Variants in ZZEF1 observed in about 807,000 individuals in gnomAD.
ZZEF1 encodes zinc finger ZZ-type and EF-hand domain containing 1, also known as zinc finger ZZ-type and EF-hand domain-containing protein 1.
In ZZEF1, 157 loss-of-function variants were observed where a neutral mutation model predicts 342.8. The observed-to-expected ratio is 0.46, with a 90% CI of 0.40 to 0.52. The LOEUF (loss-of-function observed/expected upper bound fraction) is 0.52. ZZEF1 is among the 20% of genes least tolerant of loss of function. The probability of loss-of-function intolerance (pLI) is 0.00; values close to 1 mark genes in which losing one functional copy is unlikely to be tolerated. For missense variants in ZZEF1, 3,480 were observed against 3,725.6 expected (o/e 0.93, Z 1.72); for synonymous variants, 1,505 against 1,429.1 (o/e 1.05, Z -1.20).
At chr17:4,085,402 A>G (rs990071400) in intron 16 of ZZEF1, among the ~76,000 whole-genome samples, 1 of 152,170 alleles carries the variant, frequency 6.6e-6, no homozygotes, top group African/African-American at 2.4e-5. Context: ...AAAAGAAAGG[A>G]TGGTTGTAGG....
chr17:4,032,481 T>C (rs1355079965), intron 41 of ZZEF1, among the ~76,000 whole-genome samples: 1 of 152,238 alleles, frequency 6.6e-6, no homozygotes, highest in Non-Finnish European at 1.5e-5. Flanking sequence ...CCCTTTGTCC[T>C]AATCAGTTGA....
chr17:4,014,114 C>T lies in ZZEF1; in HGVS notation c.8389G>A (p.Gly2797Arg), dbSNP rs1378965963. ...CCTGTCTGGAACCGCCCCAGGTGTC[C>T]GGCCGTCACGGTGAATCTGTAGCCC... Reference protein sequence around the residue: ...EWGYRFTVTAGHLGRFQTGFE... With the variant: ...EWGYRFTVTARHLGRFQTGFE... Residue 2797 changes from glycine to arginine, a missense_variant, in exon 51 of 55, where the codon GGA (glycine) becomes AGA (arginine). Gly to Arg is a moderately radical substitution (Grantham distance 125). This residue lies in a region of ZZEF1 where 1,269 missense variants were observed against 1,342.4 expected (regional missense o/e 0.95). Coordinates refer to ENST00000381638, the MANE Select transcript of ZZEF1 (RefSeq NM_015113.4). This position sits in a 1 kb window ranked among gnomAD's most constrained non-coding sequence, Gnocchi z 4.4. The T allele has an allele frequency of 4.3e-6, 7 of 1,614,128 alleles. No homozygotes were observed. The highest frequency in any genetic ancestry group is 3.3e-5 in the South Asian group (3 of 91,068).
At chr17:4,049,525 G>T (rs2056999344) in intron 37 of ZZEF1, among the ~76,000 whole-genome samples, 183 bp downstream of exon 37, 1 of 152,094 alleles carries the variant, frequency 6.6e-6, no homozygotes, top group Non-Finnish European at 1.5e-5. Context: ...CAAAACAAAA[G>T]AAAATAAAAC....
intron 36 of ZZEF1, 82 bp from the exon 37 acceptor site, chr17:4,049,941 A>G (rs2057009698): frequency 6.0e-6 from 9 of 1,494,644 alleles, no homozygotes; most frequent in African/African-American, 2.8e-5. Context: ...TTACTTTGCC[A>G]TTATATAGAA....
intron 1 of ZZEF1, among the ~76,000 whole-genome samples, chr17:4,142,194 C>T (rs1454123): frequency 0.92 from 139,746 of 152,158 alleles, 65,357 homozygotes; most frequent in East Asian, 1. Context: ...AAAAATGGTT[C>T]TCAGCGCCAC....
intron 7 of ZZEF1, 32 bp downstream of exon 7, chr17:4,105,661 A>T: frequency 1.3e-6 from 2 of 1,498,296 alleles, no homozygotes; most frequent in Non-Finnish European, 1.9e-6. Flanking sequence ...TCCATTCCTC[A>T]CAGAGTTTAC....
intron 39 of ZZEF1, among the ~76,000 whole-genome samples, chr17:4,039,733 T>A (rs1157287873): frequency 7.2e-6 from 1 of 138,142 alleles, no homozygotes; most frequent in Admixed American, 8.0e-5. Context: ...AACCTCCGCC[T>A]CCCGGGTTCA....
chr17:4,142,947 G>T lies in ZZEF1; in HGVS notation c.-52C>A. 7.7e-7 allele frequency: 1 copy of T among 1,301,678 alleles called. No individual in the cohort carries two copies. The allele number at this position is 1,301,678 out of a possible 1,614,324, so 80.6% of individuals were successfully genotyped here. ...CTGCAGCCGCCGCCGCCGCCTCCCC[G>T]CCTCGACCTGTCAACCTCCGACAGC... On this transcript the variant is annotated 5_prime_UTR_variant, in exon 1 of 55. Coordinates refer to ENST00000381638, the MANE Select transcript of ZZEF1 (RefSeq NM_015113.4).
intron 30 of ZZEF1, among the ~76,000 whole-genome samples, chr17:4,059,699 G>T (rs2057244734): frequency 6.6e-6 from 1 of 152,098 alleles, no homozygotes; most frequent in Admixed American, 6.5e-5. Context: ...CCATGATCCT[G>T]GCCATCTTGG....
chr17:4,116,758 C>G (rs148239558), intron 3 of ZZEF1, among the ~76,000 whole-genome samples: 1 of 152,174 alleles, frequency 6.6e-6, no homozygotes, highest in Non-Finnish European at 1.5e-5. Flanking sequence ...AAAGGCATCC[C>G]TCAAAGTCAC....
chr17:4,068,851 G>A (rs2057454779), intron 26 of ZZEF1, among the ~76,000 whole-genome samples: 1 of 152,126 alleles, frequency 6.6e-6, no homozygotes, highest in Non-Finnish European at 1.5e-5. Context: ...CCCAAAGAGT[G>A]ACTAATTTTT....
Position 4,098,331 on chromosome 17 carries a change from G to C in ZZEF1, c.1673-1631C>G, listed in dbSNP as rs539704562. Among the ~76,000 whole-genome samples, 3 of 152,120 alleles carry C rather than the reference G, an allele frequency of 2.0e-5. No homozygotes were observed. In the East Asian group the frequency reaches 5.8e-4, roughly 29 times the overall value. The stretch of plus-strand genomic sequence containing the variant: ...GGAGGCCAGGGTGGGAGGATCGCTT[G>C]AGCCTGGGAGGTGGAGGTTGCAGTG... On this transcript the variant is annotated intron_variant, in intron 9 of 54. Transcript: ENST00000381638.
intron 2 of ZZEF1, among the ~76,000 whole-genome samples, chr17:4,119,873 T>C (rs1005223291): frequency 1.3e-5 from 2 of 152,178 alleles, no homozygotes; most frequent in African/African-American, 4.8e-5. Context: ...ACTCCTTGAT[T>C]CTCAAGAGAG....
chr17:4,118,011 T>C (rs2058426201), intron 2 of ZZEF1, among the ~76,000 whole-genome samples: 1 of 152,128 alleles, frequency 6.6e-6, no homozygotes, highest in African/African-American at 2.4e-5. Flanking sequence ...CAGCTATCCT[T>C]TTTAACAACT....
rs1243421273 is a variant in ZZEF1 at position 4,081,493 on chromosome 17, G to A, written c.2715-3C>T. ...GAAGGCCGCCTGGATCCTTGTCACT[G>A]AAAGGATACAAATTAGTCATGACAC... On this transcript the variant is annotated splice_region_variant and splice_polypyrimidine_tract_variant and intron_variant, in intron 17 of 54. Transcript: ENST00000381638. The A allele has an allele frequency of 3.7e-6, 6 of 1,608,358 alleles. No homozygotes were observed. The highest frequency in any genetic ancestry group is 5.1e-6 in the Non-Finnish European group (6 of 1,174,866).
intron 9 of ZZEF1, among the ~76,000 whole-genome samples, chr17:4,101,467 G>A (rs755215414): frequency 2.0e-5 from 3 of 152,092 alleles, no homozygotes; most frequent in Admixed American, 6.5e-5. Context: ...CCAACAAGAC[G>A]AATGAGAGAC....
At chr17:4,074,046 A>G in intron 24 of ZZEF1, 104 bp downstream of exon 24, 1 of 1,275,718 alleles carries the variant, frequency 7.8e-7, no homozygotes, top group Non-Finnish European at 1.1e-6. Context: ...AAGGCGTATT[A>G]TTAACCCCCT....
At position 4,067,260 on chromosome 17, in the gene ZZEF1, G is replaced by A. The variant is rs776910212; in HGVS notation, c.4076-18C>T. On this transcript the variant is annotated intron_variant, in intron 26 of 54. Transcript: ENST00000381638. ...ACTGTTGACTGGGGAGAGAAGCAGA[G>A]ATGGAGATTACATTCAGGTAACACA... 4 of 1,603,238 alleles carry A rather than the reference G, an allele frequency of 2.5e-6. No homozygotes were observed. The South Asian group carries it at 4.5e-5, about 18-fold the overall frequency.
chr17:4,132,201 C>CTT (rs34252779), intron 1 of ZZEF1, among the ~76,000 whole-genome samples: 5 of 134,980 alleles, frequency 3.7e-5, no homozygotes, highest in African/African-American at 5.3e-5. Flanking sequence ...TAAATTTTCT[C>CTT]TTTTTTTTTT....
Sources: gnomAD v4.1 joint callset for allele counts (sites outside exome capture counted in the v4.1 genomes callset) on GRCh38, gnomAD v4.1.1 for gene constraint, gnomAD v4.1.1 regional missense constraint, Gnocchi (gnomAD v3.1) non-coding constraint, MANE v1.5 for transcripts, NCBI Gene and HGNC (gene_info 2026-07-23, HGNC 2026-07-21) for gene names.